HOXB6: variants seen among roughly 807,000 people sequenced by gnomAD.
HOXB6 encodes the protein homeobox B6, also known as homeobox protein Hox-B6.
A neutral mutation model predicts 24.2 loss-of-function variants in HOXB6; 18 were observed. The observed-to-expected ratio is 0.74, with a 90% CI of 0.51 to 1.10. The LOEUF is 1.10. HOXB6 is among the 50% of genes least tolerant of loss of function. The pLI, the probability that HOXB6 is intolerant of heterozygous loss-of-function variation, is 0.00. For missense variants in HOXB6, 332 were observed against 308.3 expected (o/e 1.08, Z -0.58); for synonymous variants, 159 against 139.1 (o/e 1.14, Z -1.01).
chr17:48,596,582 C>T lies in HOXB6; in HGVS notation c.506G>A (p.Arg169His). 6.2e-7 allele frequency: 1 copy of T among 1,614,228 alleles called. No individual in the cohort carries two copies. The highest frequency in any genetic ancestry group is 8.5e-7 in the Non-Finnish European group (1 of 1,180,054). Reference sequence around the variant, plus strand: ...GATGCGCCGCCGCCGCGTCAGGTAGCGATTGTAGTGAAACTCCTTCTCCAG... The same window carrying T: ...GATGCGCCGCCGCCGCGTCAGGTAGTGATTGTAGTGAAACTCCTTCTCCAG... ...LELEKEFHYN[R>H]YLTRRRRIEI... Residue 169 changes from arginine (R) to histidine (H), a missense_variant, in exon 4 of 4, where the codon CGC becomes CAC. By Grantham distance (29) the Arg-to-His change is conservative (BLOSUM62 0). Transcript: ENST00000225648. The surrounding 1 kb of genome is among the most constrained non-coding windows in gnomAD (Gnocchi z 4.8).
At chr17:48,597,494 G>A (rs1479761341) in intron 3 of HOXB6, among the ~76,000 whole-genome samples, 1 of 152,208 alleles carries the variant, frequency 6.6e-6, no homozygotes. Context: ...AGGCGCCCCA[G>A]GAGAGCACAC....
intron 2 of HOXB6, among the ~76,000 whole-genome samples, chr17:48,598,715 G>A (rs1437461907): frequency 6.6e-6 from 1 of 152,226 alleles, no homozygotes; most frequent in Non-Finnish European, 1.5e-5. Flanking sequence ...ACTAAAGAAG[G>A]TTTGTTTCTA....
At chr17:48,604,145 C>G (rs1414987847) in intron 2 of HOXB6, 1 of 152,878 alleles carries the variant, frequency 6.5e-6, no homozygotes, top group African/African-American at 2.4e-5. Context: ...CCACTGGCTT[C>G]TTTGGGTGCC....
At chr17:48,600,291 A>G (rs2070427960) in intron 2 of HOXB6, among the ~76,000 whole-genome samples, 1 of 151,992 alleles carries the variant, frequency 6.6e-6, no homozygotes, top group Non-Finnish European at 1.5e-5. Context: ...CCTGCCCACA[A>G]TGTCTCCATC....
In HOXB6 at chr17:48,598,026, G is replaced by T; in HGVS notation, c.125C>A (p.Pro42His). ...GTCCTGGCCCGGCCCTGGCCCGTAGGGCGCGGGGTAATGTCTCAGCGGGTC... is the reference window on the plus strand; with the variant it reads ...GTCCTGGCCCGGCCCTGGCCCGTAGTGCGCGGGGTAATGTCTCAGCGGGTC... ...YADPLRHYPA[P>H]YGPGPGQDKG... Residue 42 changes from proline to histidine, a missense_variant, in exon 3 of 4, where the codon CCC becomes CAC. Pro to His is a moderately conservative substitution (Grantham distance 77). Transcript: ENST00000225648. 6.3e-7 allele frequency: 1 copy of T among 1,598,900 alleles called. No individual in the cohort carries two copies. The highest frequency in any genetic ancestry group is 8.5e-7 in the Non-Finnish European group (1 of 1,173,196).
At chr17:48,598,728 G>C (rs750706208) in intron 2 of HOXB6, among the ~76,000 whole-genome samples, 7 of 152,206 alleles carry the variant, frequency 4.6e-5, no homozygotes, top group Non-Finnish European at 1.0e-4. Flanking sequence ...TGTTTCTAGG[G>C]TTTTGTGTCG....
At position 48,595,918 on chromosome 17, in the gene HOXB6, C is replaced by T; in HGVS notation, c.*495G>A. The T allele has an allele frequency of 3.0e-6, 1 of 338,008 alleles. No individual in the cohort carries two copies. The highest frequency in any genetic ancestry group is 5.9e-6 in the Non-Finnish European group (1 of 170,620). 20.9% of individuals were successfully genotyped at this position (338,008 alleles called of 1,614,324 possible). On this transcript the variant is annotated 3_prime_UTR_variant, in exon 4 of 4. Coordinates refer to ENST00000225648, the MANE Select transcript of HOXB6 (RefSeq NM_018952.5). ...AATAGAACTTTGTTTTCTTCTGAGGCTCCTCTTCTTACTTCTAGGTAGTAT... is the reference window on the plus strand; with the variant it reads ...AATAGAACTTTGTTTTCTTCTGAGGTTCCTCTTCTTACTTCTAGGTAGTAT...
At position 48,596,849 on chromosome 17, in the gene HOXB6, G is replaced by C; in HGVS notation, c.416-177C>G. On this transcript the variant is annotated intron_variant, in intron 3 of 3. Transcript: ENST00000225648. This position sits in a 1 kb window ranked among gnomAD's most constrained non-coding sequence, Gnocchi z 4.8. The stretch of plus-strand genomic sequence containing the variant: ...CTCCAGATTCCCTCCTAGTCTCCTA[G>C]GCCTGTGCCGTCTGTCTAGACTCTA... The C allele has an allele frequency of 7.9e-7, 1 of 1,273,834 alleles. No homozygotes were observed. The highest frequency in any genetic ancestry group is 1.5e-5 in the African/African-American group (1 of 67,660). 78.9% of individuals were successfully genotyped at this position (1,273,834 alleles called of 1,614,324 possible).
chr17:48,603,059 A>G (rs935530850), intron 2 of HOXB6, among the ~76,000 whole-genome samples: 1 of 152,178 alleles, frequency 6.6e-6, no homozygotes, highest in African/African-American at 2.4e-5. Context: ...GAGATAATAA[A>G]TATATCCCCA....
In HOXB6 at chr17:48,598,189, G is replaced by A. The variant is rs1042995995; in HGVS notation, c.-39C>T. ...GCGCGCGGCCGCTGCTGCTCCGCCG[G>A]GTTTATGATTTGTTGTGTTTTATAG... On this transcript the variant is annotated 5_prime_UTR_variant, in exon 3 of 4. Transcript: ENST00000225648. 6.5e-6 allele frequency: 10 copies of A among 1,528,710 alleles called. No homozygotes were observed. The African/African-American group carries it at 6.9e-5, about 10-fold the overall frequency. 94.7% of individuals were successfully genotyped at this position (1,528,710 alleles called of 1,614,324 possible).
At chr17:48,599,877 G>GCCCA (rs1254083287) in intron 2 of HOXB6, among the ~76,000 whole-genome samples, 1 of 152,108 alleles carries the variant, frequency 6.6e-6, no homozygotes, top group Non-Finnish European at 1.5e-5. Flanking sequence ...GCCAAGTTCT[G>GCCCA]CCCACTGAAG....
chr17:48,596,178 C>T lies in HOXB6; in HGVS notation c.*235G>A. 1.4e-6 allele frequency: 1 copy of T among 698,190 alleles called. No homozygotes were observed. The highest frequency in any genetic ancestry group is 2.6e-6 in the Non-Finnish European group (1 of 384,524). 43.2% of individuals were successfully genotyped at this position (698,190 alleles called of 1,614,324 possible). On this transcript the variant is annotated 3_prime_UTR_variant, in exon 4 of 4. Transcript: ENST00000225648. The surrounding 1 kb of genome is among the most constrained non-coding windows in gnomAD (Gnocchi z 4.8). ...AGCCTGATCAGGCTGAGGCGAGTTC[C>T]TCGGGAAGGAAGGGCGCGCGGGATG...
At chr17:48,602,499 C>T (rs1031030724) in intron 2 of HOXB6, 34 of 236,012 alleles carry the variant, frequency 1.4e-4, no homozygotes, top group African/African-American at 7.7e-4. Flanking sequence ...GAGGAAGCCG[C>T]TTCCCTTGCC....
At position 48,596,132 on chromosome 17, in the gene HOXB6, G is replaced by A; in HGVS notation, c.*281C>T. 4 of 643,386 alleles carry A rather than the reference G, an allele frequency of 6.2e-6. No individual in the cohort carries two copies. Among genetic ancestry groups the A allele is most frequent in the Non-Finnish European group, 8.6e-6 (3 of 347,224 alleles). 39.9% of individuals were successfully genotyped at this position (643,386 alleles called of 1,614,324 possible). ...CTTCCAGGAAACATCAAGTGAGTCC[G>A]CTCCTCAGTTCTCACCAGGAAGCCT... On this transcript the variant is annotated 3_prime_UTR_variant, in exon 4 of 4. Coordinates refer to ENST00000225648, the MANE Select transcript of HOXB6 (RefSeq NM_018952.5). The surrounding 1 kb of genome is among the most constrained non-coding windows in gnomAD (Gnocchi z 4.8).
In HOXB6 at chr17:48,596,216, G is replaced by C. The variant is rs1184508189; in HGVS notation, c.*197C>G. On this transcript the variant is annotated 3_prime_UTR_variant, in exon 4 of 4. Coordinates refer to ENST00000225648, the MANE Select transcript of HOXB6 (RefSeq NM_018952.5). The surrounding 1 kb of genome is among the most constrained non-coding windows in gnomAD (Gnocchi z 4.8). ...GGCGCGCGGGATGCTGGGTGGGCTC[G>C]AGTAGTGAGGCCTCAGAGCACCCGC... 13 of 791,920 alleles carry C rather than the reference G, an allele frequency of 1.6e-5. No individual in the cohort carries two copies. The highest frequency in any genetic ancestry group is 2.4e-5 in the Non-Finnish European group (11 of 460,790). 49.1% of individuals were successfully genotyped at this position (791,920 alleles called of 1,614,324 possible). A position where few individuals can be genotyped will look rare whatever the true frequency, so the allele number is the denominator to read the frequency against.
rs1328307520 is a variant in HOXB6 at position 48,596,996 on chromosome 17, C to T, written c.416-324G>A. On this transcript the variant is annotated intron_variant, in intron 3 of 3. Coordinates refer to ENST00000225648, the MANE Select transcript of HOXB6 (RefSeq NM_018952.5). The surrounding 1 kb of genome is among the most constrained non-coding windows in gnomAD (Gnocchi z 4.8). ...CCCTTTCCATCCATCTTGTTCCCAC[C>T]CCCCGTCATCCCCCCAACCCAATGA... 1.2e-5 allele frequency: 14 copies of T among 1,184,834 alleles called. No homozygotes were observed. Among genetic ancestry groups the T allele is most frequent in the Admixed American group, 3.5e-5 (1 of 28,930 alleles). 73.4% of individuals were successfully genotyped at this position (1,184,834 alleles called of 1,614,324 possible). A position where few individuals can be genotyped will look rare whatever the true frequency, so the allele number is the denominator to read the frequency against.
rs778919584 is a variant in HOXB6, at chr17:48,597,902, C to G, written c.249G>C (p.Glu83Asp). ...DYGPAPAFYR[E>D]KESACALSGA... ...CGGAGAGTGCGCAGGCCGACTCTTT[C>G]TCGCGGTAGAAGGCCGGCGCCGGCC... The change falls in exon 3 of 4, where the codon GAG becomes GAC. Residue 83 changes from glutamate to aspartate, a missense_variant. By Grantham distance (45) the Glu-to-Asp change is conservative. Coordinates refer to ENST00000225648, the MANE Select transcript of HOXB6 (RefSeq NM_018952.5). 47 of 1,583,372 alleles carry G rather than the reference C, an allele frequency of 3.0e-5. No individual in the cohort carries two copies. Among genetic ancestry groups the G allele is most frequent in the Non-Finnish European group, 4.0e-5 (47 of 1,164,390 alleles).
rs182022999 is a variant in HOXB6, at chr17:48,599,185, T to G, written c.-78-957A>C. On this transcript the variant is annotated intron_variant, in intron 2 of 3. Coordinates refer to ENST00000225648, the MANE Select transcript of HOXB6 (RefSeq NM_018952.5). Reference sequence around the variant, plus strand: ...GGTGGCTTTATTTGTCTGATCCCTATCCTGCCTGCAACCCTCACTCCAGTA... The same window carrying G: ...GGTGGCTTTATTTGTCTGATCCCTAGCCTGCCTGCAACCCTCACTCCAGTA... Among the ~76,000 whole-genome samples the G allele has an allele frequency of 7.9e-5, 12 of 152,288 alleles. No homozygotes were observed. In the East Asian group the frequency reaches 1.7e-3, roughly 22 times the overall value.
intron 2 of HOXB6, chr17:48,600,554 G>A (rs1338644513): frequency 2.2e-6 from 1 of 455,420 alleles, no homozygotes; most frequent in Non-Finnish European, 4.4e-6. Context: ...AGGTATTTAT[G>A]AGCGTTTATT....
Sources: gnomAD v4.1 joint callset for allele counts (sites outside exome capture counted in the v4.1 genomes callset) on GRCh38, gnomAD v4.1.1 for gene constraint, Gnocchi (gnomAD v3.1) non-coding constraint, MANE v1.5 for transcripts, NCBI Gene and HGNC (gene_info 2026-07-23, HGNC 2026-07-21) for gene names.